The following CSMD1 variants were observed in gnomAD, a reference collection of about 807,000 sequenced individuals.
The protein encoded by CSMD1 is CUB and Sushi multiple domains 1.
CSMD1 carries 213 observed loss-of-function variants against 417.5 expected under a neutral mutation model. That is an observed-to-expected ratio of 0.51 (90% confidence interval 0.46 to 0.57). CSMD1 has a LOEUF of 0.57. Among genes scored for constraint, CSMD1 ranks in the 20% least tolerant of loss-of-function variants. The pLI is 0.00. For synonymous variants in CSMD1, 2,862 were observed against 1,736.8 expected (o/e 1.65, Z -16.11); for missense variants, 6,923 against 4,529.7 (o/e 1.53, Z -15.17).
chr8:4,537,561 T>G, intron 2 of CSMD1, among the ~76,000 whole-genome samples: 1 of 152,226 alleles, frequency 6.6e-6, no homozygotes, highest in Non-Finnish European at 1.5e-5. Context: ...GTTTTCAAGT[T>G]GAAAACTTGC....
rs530972322 is a variant in CSMD1, at chr8:4,380,860, G to C, written c.415+39093C>G. ...TGTTTAATATCTCATTATTTTATTA[G>C]TATATTACTATACTTTTTATATTTT... On this transcript the variant is annotated intron_variant, in intron 3 of 69. Coordinates refer to ENST00000635120, the MANE Select transcript of CSMD1 (RefSeq NM_033225.6). Among the ~76,000 whole-genome samples the C allele has an allele frequency of 2.6e-5, 4 of 152,150 alleles. No homozygotes were observed. The East Asian group carries it at 7.7e-4, about 29-fold the overall frequency.
intron 37 of CSMD1, 136 bp downstream of exon 37, chr8:3,180,974 A>G: frequency 1.5e-6 from 1 of 646,906 alleles, no homozygotes; most frequent in Non-Finnish European, 2.7e-6. Context: ...ATTTCATAAC[A>G]CTAAATTTCA....
intron 3 of CSMD1, among the ~76,000 whole-genome samples, chr8:4,278,661 A>G (rs942325742): frequency 1.3e-5 from 2 of 152,202 alleles, no homozygotes; most frequent in African/African-American, 4.8e-5. Flanking sequence ...GTAGCTTTTT[A>G]TTAACATACC....
At chr8:3,040,545 C>G (rs925022221) in intron 50 of CSMD1, among the ~76,000 whole-genome samples, 8 of 151,754 alleles carry the variant, frequency 5.3e-5, no homozygotes, top group Non-Finnish European at 1.0e-4. Flanking sequence ...TGGCTCATGC[C>G]TGTAATCCCA....
chr8:4,685,673 A>G (rs551421986), intron 1 of CSMD1, among the ~76,000 whole-genome samples: 19 of 152,360 alleles, frequency 1.2e-4, no homozygotes, highest in Admixed American at 1.2e-3. Flanking sequence ...AACAAAATCA[A>G]TTAAATTTGA....
chr8:4,072,676 T>A (rs182287285), intron 3 of CSMD1, among the ~76,000 whole-genome samples: 1 of 152,300 alleles, frequency 6.6e-6, no homozygotes, highest in Admixed American at 6.5e-5. Context: ...TTTCTGTGGA[T>A]CTCCTAGAAT....
At chr8:2,996,818 G>GA (rs1806937731) in intron 54 of CSMD1, among the ~76,000 whole-genome samples, 1 of 152,136 alleles carries the variant, frequency 6.6e-6, no homozygotes, top group African/African-American at 2.4e-5. Flanking sequence ...ATTATTAAAG[G>GA]AAAAAACAAA....
At chr8:3,172,377 C>T (rs1012764830) in intron 37 of CSMD1, among the ~76,000 whole-genome samples, 1 of 151,536 alleles carries the variant, frequency 6.6e-6, no homozygotes, top group Non-Finnish European at 1.5e-5. Context: ...CATTTTTTTT[C>T]TAGGGATACT....
intron 7 of CSMD1, chr8:3,702,092 G>A (rs1350017639): frequency 7.9e-5 from 12 of 152,078 alleles, no homozygotes; most frequent in South Asian, 2.1e-4. Context: ...ATTTTATAAT[G>A]TTGTGTTGTT....
chr8:3,508,205 G>C (rs913669492), intron 10 of CSMD1, among the ~76,000 whole-genome samples: 4 of 152,098 alleles, frequency 2.6e-5, no homozygotes, highest in Non-Finnish European at 5.9e-5. Flanking sequence ...TGGTTGTCTA[G>C]AAATAGCAGG....
At chr8:3,874,991 G>A (rs1461509429) in intron 5 of CSMD1, among the ~76,000 whole-genome samples, 7 of 151,792 alleles carry the variant, frequency 4.6e-5, no homozygotes, top group Non-Finnish European at 1.5e-5. Context: ...ATGGACGTCT[G>A]GCTGCATCAT....
At chr8:4,715,317 T>C (rs182911071) in intron 1 of CSMD1, among the ~76,000 whole-genome samples, 1 of 152,204 alleles carries the variant, frequency 6.6e-6, no homozygotes, top group Non-Finnish European at 1.5e-5. Context: ...TCTGTTTGGT[T>C]TACACAAAGT....
intron 5 of CSMD1, among the ~76,000 whole-genome samples, chr8:3,917,209 C>T: frequency 6.6e-6 from 1 of 152,142 alleles, no homozygotes. Context: ...CTAAGTGTTT[C>T]CCATGAGCCA....
intron 1 of CSMD1, among the ~76,000 whole-genome samples, chr8:4,941,652 A>AC (rs1808010742): frequency 6.6e-6 from 1 of 150,848 alleles, no homozygotes; most frequent in South Asian, 2.1e-4. Context: ...AGGCTGGGGT[A>AC]CAGTACCACA....
chr8:4,257,784 G>C lies in CSMD1; in HGVS notation c.415+162169C>G, dbSNP rs184797183. 1.6e-3 allele frequency among the ~76,000 whole-genome samples: 243 copies of C among 152,308 alleles called. 1 individual carries two copies. The highest frequency in any genetic ancestry group is 5.4e-3 in the African/African-American group (225 of 41,554). ...GGATAAAACAGCATCCGCCTCGTAGGAATGCCACTAGCATTTAATGTGCAT... is the reference window on the plus strand; with the variant it reads ...GGATAAAACAGCATCCGCCTCGTAGCAATGCCACTAGCATTTAATGTGCAT... On this transcript the variant is annotated intron_variant, in intron 3 of 69. Transcript: ENST00000635120.
intron 3 of CSMD1, among the ~76,000 whole-genome samples, chr8:4,274,257 T>A (rs1004761454): frequency 6.6e-6 from 1 of 152,148 alleles, no homozygotes; most frequent in African/African-American, 2.4e-5. Flanking sequence ...ATTAACACTA[T>A]ACTTCTTCTA....
intron 23 of CSMD1, among the ~76,000 whole-genome samples, chr8:3,322,509 G>A (rs1806214976): frequency 6.6e-6 from 1 of 152,322 alleles, no homozygotes; most frequent in East Asian, 1.9e-4. Context: ...GAAGTTTCCA[G>A]AAGAGAGAGC....
chr8:4,751,740 G>T (rs989818028), intron 1 of CSMD1, among the ~76,000 whole-genome samples: 15 of 152,160 alleles, frequency 9.9e-5, no homozygotes, highest in Non-Finnish European at 2.1e-4. Context: ...CTGCTGTGGA[G>T]TTAGGAGCTT....
intron 10 of CSMD1, among the ~76,000 whole-genome samples, chr8:3,561,753 T>A (rs949633656): frequency 6.6e-6 from 1 of 151,910 alleles, no homozygotes; most frequent in South Asian, 2.1e-4. Context: ...AAACTGGACA[T>A]ATACCCGCTT....
Sources: gnomAD v4.1 joint callset for allele counts (sites outside exome capture counted in the v4.1 genomes callset) on GRCh38, gnomAD v4.1.1 for gene constraint, MANE v1.5 for transcripts, NCBI Gene and HGNC (gene_info 2026-07-23, HGNC 2026-07-21) for gene names.